The following RYR2 variants were observed in gnomAD, a reference collection of about 807,000 sequenced individuals.
The protein encoded by RYR2 is ryanodine receptor 2.
RYR2 carries 227 observed loss-of-function variants against 601.1 expected under a neutral mutation model. The observed-to-expected ratio is 0.38, with a 90% confidence interval of 0.34 to 0.42. RYR2 has a LOEUF of 0.42. Ranked by LOEUF, RYR2 falls within the 10% of genes least tolerant of loss-of-function variation. The pLI, the probability that RYR2 is intolerant of heterozygous loss-of-function variation, is 1.00. For synonymous variants in RYR2, 2,223 were observed against 2,175.1 expected, an observed-to-expected ratio of 1.02 and a Z score of -0.61; for missense variants, 4,646 against 6,156.5, an observed-to-expected ratio of 0.75 and a Z score of 8.21.
In RYR2 at chr1:237,760,422, C is replaced by T. The variant is rs114773055; in HGVS notation, c.11403-533C>T. On this transcript the variant is annotated intron_variant, in intron 83 of 104. Coordinates refer to ENST00000366574, the MANE Select transcript of RYR2 (RefSeq NM_001035.3). ...TTAAATAGGGATCTTGGAGAATTAGCGTATATTCTGCATACTTGAAAATGA... is the reference window on the plus strand; with the variant it reads ...TTAAATAGGGATCTTGGAGAATTAGTGTATATTCTGCATACTTGAAAATGA... 3.7e-3 allele frequency among the ~76,000 whole-genome samples: 539 copies of T among 146,944 alleles called. 2 individuals are homozygous for T. Among genetic ancestry groups the T allele is most frequent in the African/African-American group, 0.013 (506 of 39,856 alleles).
At chr1:237,168,143 C>T (rs192095813) in intron 1 of RYR2, among the ~76,000 whole-genome samples, 55 of 152,246 alleles carry the variant, frequency 3.6e-4, no homozygotes, top group Middle Eastern at 6.8e-3. Context: ...TAGTGGCACA[C>T]AATTCATCTG....
intron 1 of RYR2, among the ~76,000 whole-genome samples, chr1:237,199,353 C>G (rs989854259): frequency 6.6e-6 from 1 of 152,226 alleles, no homozygotes; most frequent in African/African-American, 2.4e-5. Flanking sequence ...AGCCTTCAGT[C>G]TGTGGCCGAA....
rs71561898 is a variant in RYR2 at position 237,731,891 on chromosome 1, T to TACACACACAC, written c.10936-136_10936-127dup. Among the ~76,000 whole-genome samples, 55,785 of 147,096 alleles carry TACACACACAC rather than the reference T, an allele frequency of 0.38. 12,168 individuals are homozygous for TACACACACAC. The highest frequency in any genetic ancestry group is 0.72 in the East Asian group (3,587 of 4,980). On this transcript the variant is annotated intron_variant, in intron 77 of 104. Coordinates refer to ENST00000366574, the MANE Select transcript of RYR2 (RefSeq NM_001035.3). ...TATAGCATGTATAATGCATATAAAA[T>TACACACACAC]ACACACACACACACACACACACACA...
intron 5 of RYR2, among the ~76,000 whole-genome samples, chr1:237,369,312 T>G (rs1387646118): frequency 6.6e-6 from 1 of 152,160 alleles, no homozygotes; most frequent in Non-Finnish European, 1.5e-5. Flanking sequence ...CCAAGTTTAT[T>G]TTTCAAGAAC....
intron 19 of RYR2, among the ~76,000 whole-genome samples, chr1:237,493,625 T>C (rs2150426097): frequency 6.6e-6 from 1 of 152,182 alleles, no homozygotes; most frequent in East Asian, 1.9e-4. Context: ...GCTAATTTTT[T>C]GTATTTTTAG....
At chr1:237,575,547 C>T (rs904919729) in intron 29 of RYR2, among the ~76,000 whole-genome samples, 57 of 152,096 alleles carry the variant, frequency 3.7e-4, no homozygotes, top group African/African-American at 1.3e-3. Flanking sequence ...CCCCCACCCC[C>T]GGCGTACCTA....
intron 1 of RYR2, among the ~76,000 whole-genome samples, chr1:237,164,645 G>A (rs1239510614): frequency 6.6e-6 from 1 of 152,178 alleles, no homozygotes; most frequent in Non-Finnish European, 1.5e-5. Context: ...TGGCCAGTGA[G>A]GCTTCTCACA....
At chr1:237,831,605 T>A in intron 104 of RYR2, 40 bp downstream of exon 104, 1 of 1,192,486 alleles carries the variant, frequency 8.4e-7, no homozygotes, top group Non-Finnish European at 1.2e-6. Context: ...AAAGAAATGA[T>A]AGAGAAGCTC....
At chr1:237,378,585 A>T (rs2149796729) in intron 8 of RYR2, among the ~76,000 whole-genome samples, 1 of 152,364 alleles carries the variant, frequency 6.6e-6, no homozygotes, top group South Asian at 2.1e-4. Flanking sequence ...GAAATAGGGC[A>T]TGTGGCAATT....
At position 237,729,462 on chromosome 1, in the gene RYR2, G is replaced by A. The variant is rs1042985959; in HGVS notation, c.10839-798G>A. Among the ~76,000 whole-genome samples, 3 of 152,204 alleles carry A rather than the reference G, an allele frequency of 2.0e-5. No individual in the cohort carries two copies. The South Asian group carries it at 6.2e-4, about 31-fold the overall frequency. On this transcript the variant is annotated intron_variant, in intron 76 of 104. Transcript: ENST00000366574. The stretch of plus-strand genomic sequence containing the variant: ...GGCAGTTGCCCCCTCTGATTTCCAA[G>A]GCCCTTCATAAACCTGTCTAACTGT...
intron 61 of RYR2, among the ~76,000 whole-genome samples, chr1:237,678,625 G>A (rs1017989532): frequency 6.6e-6 from 1 of 152,080 alleles, no homozygotes; most frequent in Non-Finnish European, 1.5e-5. Context: ...TGTTTCATAA[G>A]CATTTATCAG....
At chr1:237,533,012 G>A (rs1398436270) in intron 25 of RYR2, among the ~76,000 whole-genome samples, 1 of 152,182 alleles carries the variant, frequency 6.6e-6, no homozygotes, top group African/African-American at 2.4e-5. Flanking sequence ...ACAGATAGAT[G>A]GATGGGGCAC....
chr1:237,425,615 T>A (rs918408182), intron 12 of RYR2, among the ~76,000 whole-genome samples: 5 of 151,294 alleles, frequency 3.3e-5, no homozygotes, highest in Admixed American at 2.0e-4. Flanking sequence ...GCCTGGGCGA[T>A]AGAGCAAGAC....
intron 1 of RYR2, among the ~76,000 whole-genome samples, chr1:237,196,256 G>A (rs634758): frequency 0.87 from 131,953 of 152,112 alleles, 59,802 homozygotes; most frequent in Non-Finnish European, 0.99. Context: ...TTTTGGAGTC[G>A]GATAACTTGG....
intron 25 of RYR2, among the ~76,000 whole-genome samples, chr1:237,543,412 A>G (rs1332050454): frequency 6.6e-6 from 1 of 152,194 alleles, no homozygotes; most frequent in Non-Finnish European, 1.5e-5. Flanking sequence ...TTTCTGGAGA[A>G]TGATTCTGAA....
intron 8 of RYR2, among the ~76,000 whole-genome samples, chr1:237,378,730 G>T (rs1286956122): frequency 4.6e-5 from 7 of 152,202 alleles, no homozygotes; most frequent in Non-Finnish European, 1.0e-4. Context: ...GTAAGTTTGG[G>T]GATGTTGTAA....
intron 1 of RYR2, among the ~76,000 whole-genome samples, chr1:237,241,171 G>C (rs1686121908): frequency 6.6e-6 from 1 of 152,188 alleles, no homozygotes; most frequent in Non-Finnish European, 1.5e-5. Context: ...GTGCTCTTCT[G>C]TCCAGATCAG....
chr1:237,543,222 C>T (rs1369731700), intron 25 of RYR2, among the ~76,000 whole-genome samples: 1 of 152,058 alleles, frequency 6.6e-6, no homozygotes, highest in Non-Finnish European at 1.5e-5. Flanking sequence ...ACTTCATGGT[C>T]TTGTTTCAAA....
chr1:237,515,693 T>G (rs1214655397), intron 24 of RYR2, among the ~76,000 whole-genome samples: 1 of 2,254 alleles, frequency 4.4e-4, no homozygotes, highest in African/African-American at 1.5e-3. Context: ...CCTTCCTTCC[T>G]TCCCTCCCCT....
Sources: allele counts gnomAD v4.1 joint callset (sites outside exome capture counted in the v4.1 genomes callset), GRCh38; gene constraint gnomAD v4.1.1; transcripts MANE v1.5; gene names NCBI Gene and HGNC (gene_info 2026-07-23, HGNC 2026-07-21).